Variants in TAF1A observed in about 807,000 individuals in gnomAD.
The protein encoded by TAF1A is TATA box-binding protein-associated factor RNA polymerase I subunit A.
A neutral mutation model predicts 61.6 loss-of-function variants in TAF1A; 42 were observed. The ratio of observed to expected loss-of-function variants is 0.68; its 90% CI spans 0.53 to 0.88. The LOEUF (loss-of-function observed/expected upper bound fraction) is 0.88, where lower values mean the gene tolerates loss of function less well. Among genes scored for constraint, TAF1A ranks in the 40% least tolerant of loss-of-function variants. The pLI is 0.00. For missense variants in TAF1A, 424 were observed against 518.7 expected (o/e 0.82, Z 1.77); for synonymous variants, 179 against 177.7 (o/e 1.01, Z -0.06).
chr1:222,567,130 G>A (rs757505319), intron 7 of TAF1A, among the ~76,000 whole-genome samples: 4 of 152,104 alleles, frequency 2.6e-5, no homozygotes, highest in Non-Finnish European at 5.9e-5. Flanking sequence ...AAAAATGGCC[G>A]TTCTGATATA....
At chr1:222,554,228 G>A (rs1659703342), downstream of TAF1A, among the ~76,000 whole-genome samples, 1 of 152,234 alleles carries the variant, frequency 6.6e-6, no homozygotes, top group African/African-American at 2.4e-5. Context: ...GGTATAGGCA[G>A]GAGGGGAGTT....
At chr1:222,585,550 T>A (rs1185337488) in intron 2 of TAF1A, among the ~76,000 whole-genome samples, 1 of 151,628 alleles carries the variant, frequency 6.6e-6, no homozygotes, top group Non-Finnish European at 1.5e-5. Flanking sequence ...TGGGTTCAAG[T>A]GATCCTTCCT....
chr1:222,570,407 G>T, intron 6 of TAF1A, 128 bp downstream of exon 6: 1 of 956,948 alleles, frequency 1.0e-6, no homozygotes, highest in Non-Finnish European at 1.5e-6. Context: ...AAGAGACACC[G>T]TATTTTTGCT....
Position 222,588,474 on chromosome 1 carries a change from A to G in TAF1A, c.90T>C (p.Phe30=), listed in dbSNP as rs377046563. The change falls in exon 2 of 11, where the codon TTT becomes TTC. Residue 30 remains phenylalanine (F), a synonymous_variant. Transcript: ENST00000352967. ...TTTCTACGTATGTTTGAAGCCAAGG[A>G]AAATGCATTCCTGCACCACTGAGCA... The part of the protein sequence containing the change: ...TSVLSGAGMH[F]PWLQTYVETV... The G allele has an allele frequency of 2.5e-6, 4 of 1,613,704 alleles. No homozygotes were observed. Among genetic ancestry groups the G allele is most frequent in the Non-Finnish European group, 3.4e-6 (4 of 1,179,908 alleles).
intron 1 of TAF1A, 133 bp downstream of exon 1, chr1:222,589,594 C>T (rs1661168086): frequency 6.5e-6 from 1 of 153,770 alleles, no homozygotes; most frequent in Non-Finnish European, 1.4e-5. Context: ...TTCTCTATCC[C>T]CTTCTTTCGT....
intron 10 of TAF1A, among the ~76,000 whole-genome samples, chr1:222,561,136 C>T (rs1659896921): frequency 6.6e-6 from 1 of 152,132 alleles, no homozygotes; most frequent in Non-Finnish European, 1.5e-5. Context: ...GGCCCCCTAA[C>T]AACACTCAAG....
downstream of TAF1A, among the ~76,000 whole-genome samples, chr1:222,554,283 G>A (rs970766092): frequency 4.6e-5 from 7 of 152,284 alleles, no homozygotes; most frequent in East Asian, 5.8e-4. Flanking sequence ...ACTGACGGGC[G>A]GAAACAAAGA....
At chr1:222,556,440 T>C (rs1305005178), downstream of TAF1A, among the ~76,000 whole-genome samples, 1 of 152,182 alleles carries the variant, frequency 6.6e-6, no homozygotes. Context: ...TGGAACCACA[T>C]TGATTGGGTT....
At chr1:222,585,432 G>A (rs1372157969) in intron 2 of TAF1A, among the ~76,000 whole-genome samples, 1 of 151,048 alleles carries the variant, frequency 6.6e-6, no homozygotes, top group African/African-American at 2.4e-5. Flanking sequence ...AAAAAATTGG[G>A]GAAAAGTTTT....
rs535053706 is a variant in TAF1A at position 222,569,127 on chromosome 1, G to A, written c.894+383C>T. 4.3e-5 allele frequency: 22 copies of A among 517,426 alleles called. No homozygotes were observed. The East Asian group carries it at 1.1e-3, about 25-fold the overall frequency. 32.1% of individuals were successfully genotyped at this position (517,426 alleles called of 1,614,324 possible). On this transcript the variant is annotated intron_variant, in intron 7 of 10. Coordinates refer to ENST00000352967, the MANE Select transcript of TAF1A (RefSeq NM_005681.4). ...GGGAAATGAAAGGCATTCTGGGGGC[G>A]ACAGAAATGTTCTATATCATGATTA... is the stretch of plus-strand genomic sequence containing the variant.
downstream of TAF1A, among the ~76,000 whole-genome samples, chr1:222,557,568 A>G (rs539512409): frequency 6.6e-6 from 1 of 152,204 alleles, no homozygotes; most frequent in South Asian, 2.1e-4. Context: ...CTCCTGCTTC[A>G]GCCTCCCAAA....
At chr1:222,577,349 C>A (rs1358135759) in intron 5 of TAF1A, 96 bp downstream of exon 5, 20 of 939,792 alleles carry the variant, frequency 2.1e-5, no homozygotes, top group Non-Finnish European at 3.1e-5. Flanking sequence ...TCCATAATAT[C>A]TGGATGAAGT....
At chr1:222,579,933 A>T in intron 3 of TAF1A, 61 bp from the exon 4 acceptor site, 1 of 1,559,628 alleles carries the variant, frequency 6.4e-7, no homozygotes, top group Non-Finnish European at 8.6e-7. Flanking sequence ...TTTCTGTCTA[A>T]GATATTGTTT....
intron 5 of TAF1A, among the ~76,000 whole-genome samples, chr1:222,574,010 T>A (rs1256494961): frequency 6.6e-6 from 1 of 151,720 alleles, no homozygotes; most frequent in Non-Finnish European, 1.5e-5. Context: ...TTATGCTAAG[T>A]AAAAGAAGAC....
At chr1:222,573,375 T>C (rs1334653019) in intron 5 of TAF1A, among the ~76,000 whole-genome samples, 3 of 152,192 alleles carry the variant, frequency 2.0e-5, no homozygotes, top group Non-Finnish European at 2.9e-5. Context: ...GAGAATTCTG[T>C]CTAGAACAAC....
At chr1:222,561,231 C>T (rs1659900976) in intron 10 of TAF1A, 133 bp downstream of exon 10, 2 of 799,238 alleles carry the variant, frequency 2.5e-6, no homozygotes, top group African/African-American at 1.8e-5. Context: ...TTCACTCTTC[C>T]ATTGAGCAGT....
chr1:222,555,504 C>CT (rs1659715400), downstream of TAF1A, among the ~76,000 whole-genome samples: 1 of 152,120 alleles, frequency 6.6e-6, no homozygotes, highest in Non-Finnish European at 1.5e-5. Flanking sequence ...TATGTGAAAT[C>CT]TGAGTCCAAT....
chr1:222,560,762 A>G (rs1571792206), intron 10 of TAF1A, among the ~76,000 whole-genome samples: 1 of 152,154 alleles, frequency 6.6e-6, no homozygotes, highest in East Asian at 1.9e-4. Context: ...TATTTTCTTC[A>G]TTTCTGGACA....
intron 5 of TAF1A, among the ~76,000 whole-genome samples, chr1:222,572,317 G>C (rs1170665029): frequency 6.6e-6 from 1 of 151,880 alleles, no homozygotes; most frequent in Non-Finnish European, 1.5e-5. Context: ...AAGATTTAGA[G>C]TCCAGAAGTA....
Sources: gnomAD v4.1 joint callset for allele counts (sites outside exome capture counted in the v4.1 genomes callset) on GRCh38, gnomAD v4.1.1 for gene constraint, MANE v1.5 for transcripts, NCBI Gene and HGNC (gene_info 2026-07-23, HGNC 2026-07-21) for gene names.